The following TRIM41 variants were observed in gnomAD, a reference collection of about 807,000 sequenced individuals.
TRIM41 encodes the protein tripartite motif containing 41.
Under a neutral mutation model 60.6 loss-of-function variants are expected in TRIM41, and 21 were observed. That is an observed-to-expected ratio of 0.35 (90% CI 0.25 to 0.50). TRIM41 has a LOEUF of 0.50. Ranked by LOEUF, TRIM41 falls within the 20% of genes least tolerant of loss-of-function variation. TRIM41 has a pLI of 0.98. For synonymous variants in TRIM41, 407 were observed against 344.9 expected (o/e 1.18, Z -2.00); for missense variants, 846 against 868.3 (o/e 0.97, Z 0.32).
chr5:181,235,216 C>T lies in TRIM41; in HGVS notation c.*441C>T. On this transcript the variant is annotated 3_prime_UTR_variant, in exon 6 of 6. Transcript: ENST00000315073. ...CCCATTCCAATTCCATTTTCTGATG[C>T]AGATTTTAGCTGAGGGATTTGGAAG... 6.4e-7 allele frequency: 1 copy of T among 1,564,446 alleles called. No individual in the cohort carries two copies. The highest frequency in any genetic ancestry group is 2.3e-5 in the East Asian group (1 of 43,630).
chr5:181,232,701 G>A lies in TRIM41; in HGVS notation c.952G>A (p.Gly318Arg), dbSNP rs1561672709. 1 of 1,614,086 alleles carries A rather than the reference G, an allele frequency of 6.2e-7. No homozygotes were observed. Among genetic ancestry groups the A allele is most frequent in the African/African-American group, 1.3e-5 (1 of 75,062 alleles). ...SELAAVASEF[G>R]RLTRFLAEEQ... ...GCTGGCAGCGGTGGCCTCGGAGTTTGGGCGACTGACACGGTTTCTGGCTGA... is the reference window on the plus strand; with the variant it reads ...GCTGGCAGCGGTGGCCTCGGAGTTTAGGCGACTGACACGGTTTCTGGCTGA... The change falls in exon 3 of 6, where the codon GGG (glycine) becomes AGG (arginine). Residue 318 changes from glycine to arginine, a missense_variant. Transcript: ENST00000315073.
chr5:181,235,249 G>A lies in TRIM41; in HGVS notation c.*474G>A, dbSNP rs894164432. 6.2e-7 allele frequency: 1 copy of A among 1,601,056 alleles called. No individual in the cohort carries two copies. The highest frequency in any genetic ancestry group is 1.1e-5 in the South Asian group (1 of 90,012). On this transcript the variant is annotated 3_prime_UTR_variant, in exon 6 of 6. Coordinates refer to ENST00000315073, the MANE Select transcript of TRIM41 (RefSeq NM_033549.5). ...AGCTGAGGGATTTGGAAGCCATTTG[G>A]GGAGGCAGGCTGGGCCAAAGGGTAG...
intron 1 of TRIM41, chr5:181,225,025 G>A (rs1404619906): frequency 1.6e-6 from 1 of 637,900 alleles, no homozygotes; most frequent in Non-Finnish European, 2.7e-6. Context: ...GACCAGGGAA[G>A]GATGGCTTCC....
chr5:181,223,927 A>G lies in TRIM41; in HGVS notation c.-73A>G, dbSNP rs993177558. The G allele has an allele frequency of 1.0e-5, 15 of 1,498,650 alleles. No homozygotes were observed. Among genetic ancestry groups the G allele is most frequent in the Middle Eastern group, 1.8e-4 (1 of 5,574 alleles). 92.8% of individuals were successfully genotyped at this position (1,498,650 alleles called of 1,614,324 possible). A position where few individuals can be genotyped will look rare whatever the true frequency, so the allele number is the denominator to read the frequency against. ...GGGCTGGGGGTGGAGCCGGGTCGCC[A>G]GGGCGTCGGTAGGGAAGACCCCCGC... On this transcript the variant is annotated 5_prime_UTR_variant, in exon 1 of 6. Coordinates refer to ENST00000315073, the MANE Select transcript of TRIM41 (RefSeq NM_033549.5).
At position 181,235,173 on chromosome 5, in the gene TRIM41, T is replaced by G. The variant is rs1582287557; in HGVS notation, c.*398T>G. 1 of 1,534,030 alleles carries G rather than the reference T, an allele frequency of 6.5e-7. No individual in the cohort carries two copies. The highest frequency in any genetic ancestry group is 8.8e-7 in the Non-Finnish European group (1 of 1,137,776). On this transcript the variant is annotated 3_prime_UTR_variant, in exon 6 of 6. Transcript: ENST00000315073. ...CTTTATCAGTTCTGAGGCTGGAGGG[T>G]TTGGGCAAGGCAACATCCCCATTCC...
intron 1 of TRIM41, chr5:181,225,835 C>G (rs779395455): frequency 6.6e-6 from 1 of 152,234 alleles, no homozygotes; most frequent in Non-Finnish European, 1.5e-5. Flanking sequence ...GCACAAATAG[C>G]ACTACTTAGT....
At chr5:181,232,248 TGGGGG>T in intron 2 of TRIM41, 5 of 185,152 alleles carry the variant, frequency 2.7e-5, no homozygotes, top group South Asian at 2.2e-4. Context: ...CATGGTACAG[TGGGGG>T]AAAGGATGTT....
chr5:181,231,839 C>T (rs1461693937), intron 2 of TRIM41: 1 of 152,266 alleles, frequency 6.6e-6, no homozygotes, highest in African/African-American at 2.4e-5. Flanking sequence ...ACAGCGTCTG[C>T]AGCCGATGGT....
rs190143730 is a variant in TRIM41 at position 181,235,415 on chromosome 5, G to C, written c.*640G>C. ...GAATGGTCGCCATGATTGAAACCAC[G>C]CACCATTACATCATCATTACATTAA... On this transcript the variant is annotated 3_prime_UTR_variant, in exon 6 of 6. Transcript: ENST00000315073. 2 of 1,613,832 alleles carry C rather than the reference G, an allele frequency of 1.2e-6. No homozygotes were observed.
intron 1 of TRIM41, chr5:181,227,249 G>A (rs1184234039): frequency 1.3e-5 from 2 of 152,190 alleles, no homozygotes; most frequent in Admixed American, 6.5e-5. Context: ...CTGACATTAA[G>A]TGATGAGTAA....
rs544208132 is a variant in TRIM41 at position 181,232,833 on chromosome 5, C to G, written c.1084C>G (p.Arg362Gly). The change falls in exon 3 of 6, where the codon CGC becomes GGC. Residue 362 changes from arginine (R) to glycine (G), a missense_variant. Arg to Gly is a moderately radical substitution (Grantham distance 125). Coordinates refer to ENST00000315073, the MANE Select transcript of TRIM41 (RefSeq NM_033549.5). The part of the protein sequence containing the change: ...RLAEQAAQLS[R>G]LLAEAQERSQ... ...TGCAGAACAGGCCGCCCAGCTCAGC[C>G]GCCTGCTGGCAGAGGCCCAGGAGCG... The G allele has an allele frequency of 5.1e-6, 8 of 1,566,026 alleles. No individual in the cohort carries two copies. The highest frequency in any genetic ancestry group is 8.6e-7 in the Non-Finnish European group (1 of 1,158,054).
At position 181,232,886 on chromosome 5, in the gene TRIM41, C is replaced by G. The variant is rs1213240808; in HGVS notation, c.1137C>G (p.Leu379=). 6.5e-7 allele frequency: 1 copy of G among 1,539,316 alleles called. No individual in the cohort carries two copies. Residue 379 remains leucine, a synonymous_variant, in exon 3 of 6, where the codon CTC becomes CTG. Transcript: ENST00000315073. ...ERSQQGGLRL[L]QDIKETFNRC... is the part of the protein sequence containing the mutation. ...GCCAGCAGGGGGGTCTCCGGCTGCT[C>G]CAGGTGAGCAATGTCCCCTCCCTGT...
chr5:181,225,104 T>C (rs1160898167), intron 1 of TRIM41: 2 of 485,184 alleles, frequency 4.1e-6, no homozygotes, highest in African/African-American at 3.9e-5. Flanking sequence ...AGTCTCGTTT[T>C]CTTTCGGGTG....
rs776743090 is a variant in TRIM41, at chr5:181,233,779, C to G, written c.1291+16C>G. ...GCTGCGAGAGGTAGGGAGGTCACCTCCACGACCTTCCTTTGCCTTTCCCTT... is the reference window on the plus strand; with the variant it reads ...GCTGCGAGAGGTAGGGAGGTCACCTGCACGACCTTCCTTTGCCTTTCCCTT... On this transcript the variant is annotated intron_variant, in intron 5 of 5. Transcript: ENST00000315073. The surrounding 1 kb of genome is among the most constrained non-coding windows in gnomAD (Gnocchi z 4.1). 35 of 1,614,150 alleles carry G rather than the reference C, an allele frequency of 2.2e-5. No individual in the cohort carries two copies. Among genetic ancestry groups the G allele is most frequent in the Non-Finnish European group, 3.0e-5 (35 of 1,180,022 alleles).
intron 1 of TRIM41, chr5:181,225,021 G>T: frequency 1.6e-6 from 1 of 642,892 alleles, no homozygotes; most frequent in Non-Finnish European, 2.7e-6. Context: ...AGACGACCAG[G>T]GAAGGATGGC....
chr5:181,232,813 A>G lies in TRIM41; in HGVS notation c.1064A>G (p.Glu355Gly). The G allele has an allele frequency of 1.3e-6, 2 of 1,590,930 alleles. No individual in the cohort carries two copies. Residue 355 changes from glutamate (E) to glycine (G), a missense_variant, in exon 3 of 6, where the codon GAA becomes GGA. Physicochemically the swap from Glu to Gly is moderately conservative, Grantham distance 98 (BLOSUM62 -2). Coordinates refer to ENST00000315073, the MANE Select transcript of TRIM41 (RefSeq NM_033549.5). Reference protein sequence around the residue: ...RAGAAASRLAEQAAQLSRLLA... With the variant: ...RAGAAASRLAGQAAQLSRLLA... Reference sequence around the variant, plus strand: ...GGAGCCGCGGCTAGTCGCCTTGCAGAACAGGCCGCCCAGCTCAGCCGCCTG... The same window carrying G: ...GGAGCCGCGGCTAGTCGCCTTGCAGGACAGGCCGCCCAGCTCAGCCGCCTG...
rs943867645 is a variant in TRIM41 at position 181,233,844 on chromosome 5, A to T, written c.1291+81A>T. On this transcript the variant is annotated intron_variant, in intron 5 of 5. Coordinates refer to ENST00000315073, the MANE Select transcript of TRIM41 (RefSeq NM_033549.5). This position sits in a 1 kb window ranked among gnomAD's most constrained non-coding sequence, Gnocchi z 4.1. Reference sequence around the variant, plus strand: ...TGGGTCCTGAGGGAAGTTGGGCCCCAGGGAAACTGTGGGGCTTGAGATGGA... The same window carrying T: ...TGGGTCCTGAGGGAAGTTGGGCCCCTGGGAAACTGTGGGGCTTGAGATGGA... 45 of 1,602,012 alleles carry T rather than the reference A, an allele frequency of 2.8e-5. No individual in the cohort carries two copies. Among genetic ancestry groups the T allele is most frequent in the Non-Finnish European group, 3.8e-5 (45 of 1,171,338 alleles).
Position 181,233,384 on chromosome 5 carries a change from C to G in TRIM41, c.1141-29C>G. 1 of 1,609,396 alleles carries G rather than the reference C, an allele frequency of 6.2e-7. No individual in the cohort carries two copies. Among genetic ancestry groups the G allele is most frequent in the Non-Finnish European group, 8.5e-7 (1 of 1,176,098 alleles). Reference sequence around the variant, plus strand: ...ACACTCTCTTTATCTCTTTCTCCCTCTCCCTCTTTTTGTTTCTCTTATTCC... The same window carrying G: ...ACACTCTCTTTATCTCTTTCTCCCTGTCCCTCTTTTTGTTTCTCTTATTCC... On this transcript the variant is annotated intron_variant, in intron 3 of 5. Transcript: ENST00000315073. This position sits in a 1 kb window ranked among gnomAD's most constrained non-coding sequence, Gnocchi z 4.1.
Position 181,224,700 on chromosome 5 carries a change from T to G in TRIM41, c.701T>G (p.Leu234Arg), listed in dbSNP as rs1758467001. 3.7e-6 allele frequency: 6 copies of G among 1,614,168 alleles called. No homozygotes were observed. In the East Asian group the frequency reaches 1.3e-4, roughly 36 times the overall value. ...QGICPKHQEALKLFCEVDEEA... is the reference protein window; with the variant it reads ...QGICPKHQEARKLFCEVDEEA... ...ATCTGTCCCAAACACCAAGAAGCCC[T>G]GAAGCTCTTCTGCGAGGTAGACGAA... is the stretch of plus-strand genomic sequence containing the variant. Residue 234 changes from leucine to arginine, a missense_variant, in exon 1 of 6, where the codon CTG becomes CGG. Leu to Arg is a moderately radical substitution (Grantham distance 102). Coordinates refer to ENST00000315073, the MANE Select transcript of TRIM41 (RefSeq NM_033549.5).
Sources: allele counts gnomAD v4.1 joint callset, GRCh38; gene constraint gnomAD v4.1.1; non-coding constraint Gnocchi (gnomAD v3.1); transcripts MANE v1.5; gene names NCBI Gene and HGNC (gene_info 2026-07-23, HGNC 2026-07-21).